The following CDH22 variants were observed in gnomAD, a reference collection of about 807,000 sequenced individuals.
The protein encoded by CDH22 is cadherin-22.
Under a neutral mutation model 58.4 loss-of-function variants are expected in CDH22, and 30 were observed. The ratio of observed to expected loss-of-function variants is 0.51; its 90% CI spans 0.38 to 0.70. The LOEUF (loss-of-function observed/expected upper bound fraction) is 0.70. Among genes scored for constraint, CDH22 ranks in the 30% least tolerant of loss-of-function variants. The pLI, the probability that CDH22 is intolerant of heterozygous loss-of-function variation, is 0.00. For missense variants in CDH22, 1,014 were observed against 1,233.9 expected (o/e 0.82, Z 2.67); for synonymous variants, 513 against 558.2 (o/e 0.92, Z 1.14).
rs1489756103 is a variant in CDH22 at position 46,216,044 on chromosome 20, T to C, written c.838+782A>G. On this transcript the variant is annotated intron_variant, in intron 5 of 11. Transcript: ENST00000537909. The surrounding 1 kb of genome is among the most constrained non-coding windows in gnomAD (Gnocchi z 5.3). ...CCTTATCTCTCGGGGGTCAGTCCCC[T>C]GTGGCGGGGCCTAATGTGAGAGCAG... Among the ~76,000 whole-genome samples the C allele has an allele frequency of 1.3e-5, 2 of 151,242 alleles. No homozygotes were observed. The highest frequency in any genetic ancestry group is 2.4e-5 in the African/African-American group (1 of 41,138).
intron 3 of CDH22, among the ~76,000 whole-genome samples, chr20:46,236,666 T>C (rs2145721939): frequency 7.2e-6 from 1 of 139,194 alleles, no homozygotes; most frequent in African/African-American, 2.8e-5. Flanking sequence ...TCTATCTATC[T>C]ATCTATCTAT....
At chr20:46,201,489 CCT>C (rs1389608356) in intron 7 of CDH22, among the ~76,000 whole-genome samples, 1 of 152,210 alleles carries the variant, frequency 6.6e-6, no homozygotes. Flanking sequence ...GGGTTTGAAT[CCT>C]CTGCCACTGA....
chr20:46,201,059 C>T (rs984943370), intron 7 of CDH22, among the ~76,000 whole-genome samples: 1 of 152,244 alleles, frequency 6.6e-6, no homozygotes, highest in Non-Finnish European at 1.5e-5. Flanking sequence ...GCCTTAAAGG[C>T]CCGTGTCCAA....
intron 1 of CDH22, among the ~76,000 whole-genome samples, chr20:46,267,541 A>C (rs1456236814): frequency 6.6e-6 from 1 of 152,224 alleles, no homozygotes; most frequent in African/African-American, 2.4e-5. Context: ...ACTCCAAAGC[A>C]GTGAGCTTCC....
intron 1 of CDH22, among the ~76,000 whole-genome samples, chr20:46,279,209 T>G (rs2425846): frequency 0.92 from 139,263 of 152,196 alleles, 64,184 homozygotes; most frequent in East Asian, 1. Context: ...CTCGGTATAT[T>G]ATAACTATTA....
chr20:46,210,157 C>G lies in CDH22; in HGVS notation c.1286+150G>C. On this transcript the variant is annotated intron_variant, in intron 7 of 11. Coordinates refer to ENST00000537909, the MANE Select transcript of CDH22 (RefSeq NM_021248.3). The surrounding 1 kb of genome is among the most constrained non-coding windows in gnomAD (Gnocchi z 4.5). ...GGCTCCGTGCCTGTTTCTCTCCACC[C>G]GTGCGCCTCTCTCCGCGCCTCCCTC... 1.3e-6 allele frequency: 1 copy of G among 744,122 alleles called. No homozygotes were observed. Among genetic ancestry groups the G allele is most frequent in the Non-Finnish European group, 1.9e-6 (1 of 513,356 alleles). The allele number at this position is 744,122 out of a possible 1,614,324, so 46.1% of individuals were successfully genotyped here.
chr20:46,223,168 G>A (rs1047852290), intron 4 of CDH22, among the ~76,000 whole-genome samples: 3 of 152,142 alleles, frequency 2.0e-5, no homozygotes, highest in African/African-American at 7.2e-5. Context: ...TGACCTCTTG[G>A]GAACTGTTCT....
At chr20:46,304,166 T>C (rs1161097876) in intron 1 of CDH22, among the ~76,000 whole-genome samples, 1 of 152,116 alleles carries the variant, frequency 6.6e-6, no homozygotes, top group Non-Finnish European at 1.5e-5. Context: ...CAGAGACAGA[T>C]CCTGGTGGTC....
intron 4 of CDH22, among the ~76,000 whole-genome samples, chr20:46,221,931 C>A (rs2086129585): frequency 6.6e-6 from 1 of 152,164 alleles, no homozygotes; most frequent in African/African-American, 2.4e-5. Flanking sequence ...TTGCCGAGGG[C>A]CTACTACAGG....
intron 1 of CDH22, among the ~76,000 whole-genome samples, chr20:46,274,196 T>C (rs533184552): frequency 6.6e-6 from 1 of 152,264 alleles, no homozygotes; most frequent in East Asian, 1.9e-4. Context: ...ATTTTCATGC[T>C]TTGGCTGCGT....
chr20:46,233,164 G>A (rs960259618), intron 3 of CDH22, among the ~76,000 whole-genome samples: 1 of 152,030 alleles, frequency 6.6e-6, no homozygotes, highest in Non-Finnish European at 1.5e-5. Context: ...GGAGAGGAAG[G>A]TGAAGTTTGG....
chr20:46,284,997 C>G (rs180840033), intron 1 of CDH22, among the ~76,000 whole-genome samples: 4 of 152,162 alleles, frequency 2.6e-5, no homozygotes, highest in Admixed American at 2.0e-4. Context: ...TTTCCCCCGA[C>G]CCCCAACCTG....
rs1354095085 is a variant in CDH22, at chr20:46,227,857, A to G, written c.551-230T>C. Among the ~76,000 whole-genome samples, 3 of 152,206 alleles carry G rather than the reference A, an allele frequency of 2.0e-5. No individual in the cohort carries two copies. The East Asian group carries it at 5.8e-4, about 29-fold the overall frequency. ...GACCATGGAGTCAGATCTGGATTCA[A>G]GTCCCCTTGGGGTGGTTCCCAGCTG... On this transcript the variant is annotated intron_variant, in intron 3 of 11. Coordinates refer to ENST00000537909, the MANE Select transcript of CDH22 (RefSeq NM_021248.3).
At chr20:46,224,841 T>C (rs2086159544) in intron 4 of CDH22, among the ~76,000 whole-genome samples, 1 of 152,308 alleles carries the variant, frequency 6.6e-6, no homozygotes, top group African/African-American at 2.4e-5. Flanking sequence ...CTATGAATTC[T>C]TCATCATCCC....
intron 2 of CDH22, among the ~76,000 whole-genome samples, chr20:46,249,865 C>T (rs1304059349): frequency 6.6e-6 from 1 of 152,238 alleles, no homozygotes; most frequent in Non-Finnish European, 1.5e-5. Context: ...CTCTTTCCCA[C>T]CAGCCTGATG....
chr20:46,242,068 A>T (rs1555804752), intron 2 of CDH22, among the ~76,000 whole-genome samples: 5 of 152,222 alleles, frequency 3.3e-5, no homozygotes. Flanking sequence ...CAGGGAGTGA[A>T]GGGAGAGAGG....
chr20:46,200,685 G>A (rs1039285180), intron 7 of CDH22, among the ~76,000 whole-genome samples: 2 of 152,190 alleles, frequency 1.3e-5, no homozygotes, highest in African/African-American at 4.8e-5. Context: ...GTGCAAAGGC[G>A]CGGCGGCTGA....
chr20:46,229,071 A>G (rs2425794), intron 3 of CDH22, among the ~76,000 whole-genome samples: 2,771 of 152,194 alleles, frequency 0.018, 33 homozygotes, highest in Non-Finnish European at 0.028. Flanking sequence ...CATGTCAACC[A>G]TGTCAGAGTT....
At chr20:46,197,649 G>A (rs954806477) in intron 8 of CDH22, among the ~76,000 whole-genome samples, 7 of 152,202 alleles carry the variant, frequency 4.6e-5, no homozygotes, top group African/African-American at 1.7e-4. Flanking sequence ...GAGGCAAGGA[G>A]GGGGAGCTCT....
Sources: gnomAD v4.1 joint callset for allele counts (sites outside exome capture counted in the v4.1 genomes callset) on GRCh38, gnomAD v4.1.1 for gene constraint, Gnocchi (gnomAD v3.1) non-coding constraint, MANE v1.5 for transcripts, NCBI Gene and HGNC (gene_info 2026-07-23, HGNC 2026-07-21) for gene names.